The following RNASE4 variants were observed in gnomAD, a reference collection of about 807,000 sequenced individuals.
The protein encoded by RNASE4 is ribonuclease A family member 4, also known as ribonuclease 4.
For missense variants in RNASE4, 194 were observed against 192.8 expected, an observed-to-expected ratio of 1.01 and a Z score of -0.04; for synonymous variants, 93 against 71.4, an observed-to-expected ratio of 1.30 and a Z score of -1.52.
chr14:20,685,700 C>T (rs1886389780), intron 1 of RNASE4, among the ~76,000 whole-genome samples: 2 of 152,002 alleles, frequency 1.3e-5, no homozygotes, highest in Admixed American at 6.6e-5. Flanking sequence ...TTTCAGTGGC[C>T]CCTTTAAAGT....
At chr14:20,693,523 C>A in intron 1 of RNASE4, 1 of 1,607,502 alleles carries the variant, frequency 6.2e-7, no homozygotes, top group South Asian at 1.1e-5. Context: ...TTGGGTCTAC[C>A]ACACCTCCTT....
intron 1 of RNASE4, chr14:20,694,250 C>A: frequency 1.6e-6 from 1 of 607,570 alleles, no homozygotes; most frequent in South Asian, 2.0e-5. Flanking sequence ...CTTGGCTGCT[C>A]CCTGAGAGGA....
intron 1 of RNASE4, among the ~76,000 whole-genome samples, chr14:20,689,539 T>C (rs1315747288): frequency 6.6e-6 from 1 of 152,248 alleles, no homozygotes; most frequent in African/African-American, 2.4e-5. Flanking sequence ...TTTTGAATAC[T>C]GAACATTGCC....
chr14:20,689,928 A>AAAC (rs1555346018), intron 1 of RNASE4, among the ~76,000 whole-genome samples: 24 of 151,164 alleles, frequency 1.6e-4, no homozygotes, highest in Admixed American at 7.9e-4. Context: ...AAAAAAAAAA[A>AAAC]AAACAGGCCG....
chr14:20,696,027 T>C (rs965641529), intron 1 of RNASE4, among the ~76,000 whole-genome samples: 2 of 152,232 alleles, frequency 1.3e-5, no homozygotes, highest in Non-Finnish European at 2.9e-5. Flanking sequence ...TGGGCCCTTT[T>C]CTCAAGTTCT....
At chr14:20,694,048 G>C in intron 1 of RNASE4, 1 of 1,611,404 alleles carries the variant, frequency 6.2e-7, no homozygotes. Context: ...TGCTGTCCTT[G>C]CCTTCCATTT....
At position 20,699,696 on chromosome 14, in the gene RNASE4, T is replaced by G; in HGVS notation, c.325T>G (p.Cys109Gly). 6.2e-7 allele frequency: 1 copy of G among 1,610,050 alleles called. No homozygotes were observed. The highest frequency in any genetic ancestry group is 8.5e-7 in the Non-Finnish European group (1 of 1,180,000). Residue 109 changes from cysteine to glycine, a missense_variant, in exon 2 of 2, where the codon TGC becomes GGC. Coordinates refer to ENST00000555835, the MANE Select transcript of RNASE4 (RefSeq NM_002937.5). ...CHEGVVKVTD[C>G]RDTGSSRAPN... ...TGAGGGTGTAGTGAAGGTCACAGAT[T>G]GCAGGGACACAGGAAGTTCCAGGGC...
chr14:20,699,474 C>T lies in RNASE4; in HGVS notation c.103C>T (p.Arg35Ter), dbSNP rs140911497. 4.0e-5 allele frequency: 64 copies of T among 1,613,886 alleles called. No individual in the cohort carries two copies. Among genetic ancestry groups the T allele is most frequent in the Middle Eastern group, 1.6e-4 (1 of 6,082 alleles). ...CTATGGCCAGGATGGCATGTACCAGCGATTCCTGCGGCAACACGTGCACCC... is the reference window on the plus strand; with the variant it reads ...CTATGGCCAGGATGGCATGTACCAGTGATTCCTGCGGCAACACGTGCACCC... ...PSYGQDGMYQ[R>*]FLRQHVHPEE... The change falls in exon 2 of 2, where the codon CGA becomes TGA. Residue 35 changes from arginine (R) to a stop codon, truncating the protein, a stop_gained. Coordinates refer to ENST00000555835, the MANE Select transcript of RNASE4 (RefSeq NM_002937.5). LOFTEE classifies it low-confidence loss of function (END_TRUNC).
intron 1 of RNASE4, among the ~76,000 whole-genome samples, chr14:20,696,141 T>G (rs940517559): frequency 2.6e-5 from 4 of 152,196 alleles, no homozygotes; most frequent in Non-Finnish European, 5.9e-5. Context: ...ATTATTATAT[T>G]GATCACAGCA....
intron 1 of RNASE4, chr14:20,693,335 G>C: frequency 1.6e-6 from 1 of 630,114 alleles, no homozygotes; most frequent in Non-Finnish European, 2.8e-6. Flanking sequence ...GTTGGAGCTA[G>C]AGGTTGTGCT....
intron 1 of RNASE4, among the ~76,000 whole-genome samples, chr14:20,695,256 G>A (rs772307852): frequency 9.2e-5 from 14 of 152,042 alleles, no homozygotes; most frequent in South Asian, 4.2e-4. Context: ...TTAGCTGGGC[G>A]TGGTGGCACA....
chr14:20,693,521 A>C lies in RNASE4; in HGVS notation c.-17-5834A>C, dbSNP rs778121390. ...ATTTGGTGATGCTGTTCTTGGGTCT[A>C]CCACACCTCCTTTTGCCCTCCGCAG... On this transcript the variant is annotated intron_variant, in intron 1 of 1. Transcript: ENST00000555835. The C allele has an allele frequency of 3.4e-5, 55 of 1,607,044 alleles. 2 individuals carry two copies. In the South Asian group the frequency reaches 5.7e-4, roughly 17 times the overall value.
rs1427626360 is a variant in RNASE4 at position 20,693,038 on chromosome 14, G to A, written c.-17-6317G>A. On this transcript the variant is annotated intron_variant, in intron 1 of 1. Transcript: ENST00000555835. ...AATTTTTTGTATTTTTAGTAGAGAC[G>A]GGGTTTCACCGTGGTAGCCAGGATG... Among the ~76,000 whole-genome samples, 6 of 151,550 alleles carry A rather than the reference G, an allele frequency of 4.0e-5. No individual in the cohort carries two copies. The South Asian group carries it at 8.4e-4, about 21-fold the overall frequency.
rs752801394 is a variant in RNASE4 at position 20,693,672 on chromosome 14, G to A, written c.-17-5683G>A. On this transcript the variant is annotated intron_variant, in intron 1 of 1. Coordinates refer to ENST00000555835, the MANE Select transcript of RNASE4 (RefSeq NM_002937.5). ...CCAGGTACACACACTTCCTGACCCA[G>A]CACTATGATGCCAAACCACAGGGCC... 1.5e-5 allele frequency: 24 copies of A among 1,614,076 alleles called. 2 individuals carry two copies. The South Asian group carries it at 2.6e-4, about 18-fold the overall frequency.
chr14:20,695,198 C>G (rs1476504528), intron 1 of RNASE4, among the ~76,000 whole-genome samples: 1 of 152,032 alleles, frequency 6.6e-6, no homozygotes, highest in Non-Finnish European at 1.5e-5. Context: ...AGATCAAGAC[C>G]ATCCTGGACA....
intron 1 of RNASE4, among the ~76,000 whole-genome samples, chr14:20,691,403 A>G (rs965112983): frequency 7.2e-5 from 11 of 152,238 alleles, no homozygotes; most frequent in Non-Finnish European, 1.3e-4. Context: ...AAGATCTTCC[A>G]AAAAACTAGA....
At chr14:20,693,146 C>T (rs1300072020) in intron 1 of RNASE4, among the ~76,000 whole-genome samples, 1 of 152,218 alleles carries the variant, frequency 6.6e-6, no homozygotes, top group Admixed American at 6.5e-5. Flanking sequence ...CGCGCCCGGC[C>T]GTCATTTGGT....
chr14:20,693,554 T>G (rs199609607), intron 1 of RNASE4: 1 of 1,611,682 alleles, frequency 6.2e-7, no homozygotes, highest in Non-Finnish European at 8.5e-7. Flanking sequence ...CAGGAGCCTG[T>G]GTTGGAAGAG....
chr14:20,694,020 C>G (rs749844944), intron 1 of RNASE4: 2 of 1,614,136 alleles, frequency 1.2e-6, no homozygotes, highest in Non-Finnish European at 1.7e-6. Context: ...CAGCGGGCCC[C>G]TGGTCAAGTG....
Sources: allele counts gnomAD v4.1 joint callset (sites outside exome capture counted in the v4.1 genomes callset), GRCh38; gene constraint gnomAD v4.1.1; transcripts MANE v1.5; gene names NCBI Gene and HGNC (gene_info 2026-07-23, HGNC 2026-07-21).